SEL1L3: variants seen among roughly 807,000 people sequenced by gnomAD.
SEL1L3 encodes SEL1L family member 3, also known as protein sel-1 homolog 3.
In SEL1L3, 76 loss-of-function variants were observed where a neutral mutation model predicts 142.8. The ratio of observed to expected loss-of-function variants is 0.53; its 90% CI spans 0.44 to 0.64. The LOEUF is 0.64. Among genes scored for constraint, SEL1L3 ranks in the 30% least tolerant of loss-of-function variants. The pLI is 0.00. For missense variants in SEL1L3, 1,262 were observed against 1,381.7 expected, an observed-to-expected ratio of 0.91 and a Z score of 1.37; for synonymous variants, 504 against 519.6, an observed-to-expected ratio of 0.97 and a Z score of 0.41.
chr4:25,719,920 T>C, the SEL1L3 span: 42 of 152,292 alleles, frequency 2.8e-4, no homozygotes, highest in African/African-American at 8.2e-4. Context: ...TAAATATTGA[T>C]AGTATTATGC....
At chr4:25,852,870 G>C (rs1281932414) in intron 1 of SEL1L3, among the ~76,000 whole-genome samples, 1 of 152,094 alleles carries the variant, frequency 6.6e-6, no homozygotes, top group African/African-American at 2.4e-5. Context: ...GCTGATGCTA[G>C]GATCTCCAGT....
chr4:25,756,409 G>C, intron 23 of SEL1L3: 2 of 984,874 alleles, frequency 2.0e-6, no homozygotes, highest in Non-Finnish European at 2.4e-6. Context: ...TATTGAGAAG[G>C]TTTTATATGC....
At chr4:25,772,665 GA>G (rs950524997) in intron 17 of SEL1L3, among the ~76,000 whole-genome samples, 6 of 151,376 alleles carry the variant, frequency 4.0e-5, no homozygotes, top group Non-Finnish European at 8.8e-5. Flanking sequence ...GGAAGGAAAA[GA>G]AAAAAAGAAA....
intron 16 of SEL1L3, among the ~76,000 whole-genome samples, chr4:25,776,976 C>T (rs1399088755): frequency 1.3e-5 from 2 of 151,256 alleles, no homozygotes; most frequent in Non-Finnish European, 3.0e-5. Context: ...TCCATAATTA[C>T]ATTAAATGTA....
At position 25,788,388 on chromosome 4, in the gene SEL1L3, A is replaced by G; in HGVS notation, c.2077-24T>C. ...TGCTTAAAGATAATAGCAATTTAGAACAATGACTTTTCCTGTATAATGCTT... is the reference window on the plus strand; with the variant it reads ...TGCTTAAAGATAATAGCAATTTAGAGCAATGACTTTTCCTGTATAATGCTT... On this transcript the variant is annotated intron_variant, in intron 12 of 23. Coordinates refer to ENST00000399878, the MANE Select transcript of SEL1L3 (RefSeq NM_015187.5). The surrounding 1 kb of genome is among the most constrained non-coding windows in gnomAD (Gnocchi z 5.3). 3.1e-6 allele frequency: 5 copies of G among 1,612,618 alleles called. No individual in the cohort carries two copies. The highest frequency in any genetic ancestry group is 3.4e-6 in the Non-Finnish European group (4 of 1,179,390).
the SEL1L3 span, among the ~76,000 whole-genome samples, chr4:25,714,524 C>T: frequency 7.1e-6 from 1 of 141,140 alleles, no homozygotes; most frequent in African/African-American, 2.7e-5. Context: ...TTCTTTCTTT[C>T]TTTCTTTCTT....
chr4:25,803,782 T>G lies in SEL1L3; in HGVS notation c.1776+759A>C, dbSNP rs538809149. Among the ~76,000 whole-genome samples the G allele has an allele frequency of 1.4e-3, 184 of 132,912 alleles. 1 individual carries two copies. The highest frequency in any genetic ancestry group is 9.9e-3 in the Admixed American group (141 of 14,260). The allele number at this position is 132,912 out of a possible 152,430, so 87.2% of individuals were successfully genotyped here. A position where few individuals can be genotyped will look rare whatever the true frequency, so the allele number is the denominator to read the frequency against. ...GGAAGACATCAGGGTTTTTTATATG[T>G]TTTTTTTTTTGTTGTTGTTTTGGTT... On this transcript the variant is annotated intron_variant, in intron 10 of 23. Transcript: ENST00000399878.
At chr4:25,850,802 T>C (rs937081947) in intron 1 of SEL1L3, among the ~76,000 whole-genome samples, 4 of 152,088 alleles carry the variant, frequency 2.6e-5, no homozygotes, top group Non-Finnish European at 2.9e-5. Context: ...GGGTTTTCTG[T>C]CTGGTTTTTT....
intron 23 of SEL1L3, among the ~76,000 whole-genome samples, chr4:25,753,556 A>G (rs1313699691): frequency 6.6e-6 from 1 of 152,246 alleles, no homozygotes; most frequent in African/African-American, 2.4e-5. Context: ...CTGGGGAGAC[A>G]CCAAATGGTA....
At chr4:25,837,767 A>G (rs1715930276) in intron 2 of SEL1L3, among the ~76,000 whole-genome samples, 1 of 152,148 alleles carries the variant, frequency 6.6e-6, no homozygotes, top group Non-Finnish European at 1.5e-5. Context: ...CATATAGGAT[A>G]TGTTATTTAT....
chr4:25,737,868 C>T, the SEL1L3 span, among the ~76,000 whole-genome samples: 218 of 149,886 alleles, frequency 1.5e-3, 1 homozygote, highest in African/African-American at 4.6e-3. Context: ...AAAATAAGTT[C>T]GTACATGTTT....
At chr4:25,782,768 C>T (rs781058088) in intron 14 of SEL1L3, among the ~76,000 whole-genome samples, 3 of 152,148 alleles carry the variant, frequency 2.0e-5, no homozygotes, top group African/African-American at 4.8e-5. Flanking sequence ...AATTCATGAA[C>T]GCTCAACTGA....
At chr4:25,722,598 CA>C in the SEL1L3 span, among the ~76,000 whole-genome samples, 2 of 147,510 alleles carry the variant, frequency 1.4e-5, no homozygotes, top group African/African-American at 5.2e-5. Flanking sequence ...ATAAGAGCCA[CA>C]AGATACATGC....
At chr4:25,814,792 T>C (rs1714273045) in intron 9 of SEL1L3, among the ~76,000 whole-genome samples, 1 of 136,636 alleles carries the variant, frequency 7.3e-6, no homozygotes, top group African/African-American at 3.7e-5. Flanking sequence ...ATTTACAAAA[T>C]CAAGGTTTTT....
In SEL1L3 at chr4:25,751,833, G is replaced by A. The variant is rs931702340; in HGVS notation, c.3260-3269C>T. On this transcript the variant is annotated intron_variant, in intron 23 of 23. Transcript: ENST00000399878. ...GCTTTAAAAAATAGTTGAATGGGCT[G>A]GGCACGGTGGCTCACGCCTGTAATC... Among the ~76,000 whole-genome samples the A allele has an allele frequency of 7.9e-5, 12 of 151,616 alleles. No homozygotes were observed. In the East Asian group the frequency reaches 1.2e-3, roughly 15 times the overall value.
At chr4:25,762,795 T>C (rs1718459622) in intron 20 of SEL1L3, among the ~76,000 whole-genome samples, 2 of 152,022 alleles carry the variant, frequency 1.3e-5, no homozygotes, top group South Asian at 4.2e-4. Flanking sequence ...CTGCCCAACA[T>C]GGTGAAACCC....
intron 14 of SEL1L3, among the ~76,000 whole-genome samples, chr4:25,783,096 G>A (rs542364237): frequency 6.6e-6 from 1 of 152,320 alleles, no homozygotes; most frequent in African/African-American, 2.4e-5. Flanking sequence ...AAGCACATTA[G>A]ACATCAATTC....
chr4:25,724,772 G>GAA, the SEL1L3 span, among the ~76,000 whole-genome samples: 2 of 42,764 alleles, frequency 4.7e-5, no homozygotes, highest in South Asian at 1.3e-3. Context: ...AAAAAAAAAA[G>GAA]GAAAAGAAAT....
chr4:25,765,186 G>A (rs1235436137), intron 20 of SEL1L3, 140 bp downstream of exon 20: 2 of 630,330 alleles, frequency 3.2e-6, no homozygotes, highest in Non-Finnish European at 2.9e-6. Context: ...TAGAGATGGG[G>A]TTTCGCCATG....
Sources: allele counts gnomAD v4.1 joint callset (sites outside exome capture counted in the v4.1 genomes callset), GRCh38; gene constraint gnomAD v4.1.1; non-coding constraint Gnocchi (gnomAD v3.1); transcripts MANE v1.5; gene names NCBI Gene and HGNC (gene_info 2026-07-23, HGNC 2026-07-21).